HK2: variants seen among roughly 807,000 people sequenced by gnomAD.
The protein encoded by HK2 is hexokinase 2.
In HK2, 42 loss-of-function variants were observed where a neutral mutation model predicts 92.9. That is an observed-to-expected ratio of 0.45 (90% CI 0.35 to 0.58). The LOEUF (loss-of-function observed/expected upper bound fraction) is 0.58. Among genes scored for constraint, HK2 ranks in the 20% least tolerant of loss-of-function variants. The pLI, the probability that HK2 is intolerant of heterozygous loss-of-function variation, is 0.00. For missense variants in HK2, 978 were observed against 1,245.1 expected (o/e 0.79, Z 3.23); for synonymous variants, 422 against 468.0 (o/e 0.90, Z 1.27).
chr2:74,874,070 A>C (rs771850029), intron 6 of HK2, 127 bp downstream of exon 6: 34 of 967,412 alleles, frequency 3.5e-5, no homozygotes, highest in Non-Finnish European at 5.2e-5. Context: ...TGGTCCAGTC[A>C]CTTTGGAGAG....
chr2:74,867,900 T>A, intron 3 of HK2, 116 bp downstream of exon 3: 1 of 1,193,690 alleles, frequency 8.4e-7, no homozygotes. Flanking sequence ...AAGACACTCA[T>A]GGATGCCAGC....
intron 2 of HK2, among the ~76,000 whole-genome samples, chr2:74,858,833 G>A (rs546687635): frequency 1.3e-5 from 2 of 152,310 alleles, no homozygotes; most frequent in East Asian, 1.9e-4. Flanking sequence ...TCCCCATCAC[G>A]GCTTATGGGC....
At chr2:74,869,086 A>G (rs1198310352) in intron 3 of HK2, among the ~76,000 whole-genome samples, 2 of 152,148 alleles carry the variant, frequency 1.3e-5, no homozygotes, top group African/African-American at 4.8e-5. Context: ...CCTACTCTCC[A>G]TGCAATATAT....
chr2:74,872,106 T>C (rs1196985584), intron 3 of HK2, among the ~76,000 whole-genome samples, 194 bp from the exon 4 acceptor site: 1 of 152,244 alleles, frequency 6.6e-6, no homozygotes, highest in African/African-American at 2.4e-5. Context: ...TATTGACTCA[T>C]GTACTCCTTT....
Position 74,834,219 on chromosome 2 carries a change from G to A in HK2, c.-362G>A, listed in dbSNP as rs976603250. 1.6e-5 allele frequency: 6 copies of A among 384,432 alleles called. No homozygotes were observed. Among genetic ancestry groups the A allele is most frequent in the Admixed American group, 3.7e-5 (1 of 27,156 alleles). 23.8% of individuals were successfully genotyped at this position (384,432 alleles called of 1,614,324 possible). On this transcript the variant is annotated 5_prime_UTR_variant, in exon 1 of 18. Transcript: ENST00000290573. This position sits in a 1 kb window ranked among gnomAD's most constrained non-coding sequence, Gnocchi z 4.2. ...AAGAAAATCCGCGGGCCCGAGCCAC[G>A]CGCCTGTGAATCGGAGAGGTCCCAC... is the stretch of plus-strand genomic sequence containing the variant.
intron 1 of HK2, among the ~76,000 whole-genome samples, chr2:74,844,858 C>T (rs1688400968): frequency 6.6e-6 from 1 of 152,350 alleles, no homozygotes; most frequent in South Asian, 2.1e-4. Context: ...GCCAGCTCTT[C>T]CCCTTCACCA....
chr2:74,866,940 G>T (rs1688962823), intron 2 of HK2, among the ~76,000 whole-genome samples: 1 of 152,092 alleles, frequency 6.6e-6, no homozygotes, highest in Non-Finnish European at 1.5e-5. Context: ...AGTAAATTTA[G>T]TACTGCAATT....
At position 74,882,147 on chromosome 2, in the gene HK2, G is replaced by T. The variant is rs550020237; in HGVS notation, c.1747G>T (p.Ala583Ser). 29 of 1,614,166 alleles carry T rather than the reference G, an allele frequency of 1.8e-5. No homozygotes were observed. Among genetic ancestry groups the T allele is most frequent in the African/African-American group, 4.0e-5 (3 of 75,042 alleles). ...ELFDHIVQCI[A>S]DFLEYMGMKG... ...CTTTGACCACATTGTCCAGTGCATCGCGGACTTCCTCGAGTACATGGGCAT... is the reference window on the plus strand; with the variant it reads ...CTTTGACCACATTGTCCAGTGCATCTCGGACTTCCTCGAGTACATGGGCAT... Residue 583 changes from alanine (A) to serine (S), a missense_variant, in exon 12 of 18, where the codon GCG (alanine) becomes TCG (serine). Physicochemically the swap from Ala to Ser is moderately conservative, Grantham distance 99. Coordinates refer to ENST00000290573, the MANE Select transcript of HK2 (RefSeq NM_000189.5).
Position 74,873,280 on chromosome 2 carries a change from T to C in HK2, c.500T>C (p.Phe167Ser), listed in dbSNP as rs1689144947. ...PCHQTKLDES[F>S]LVSWTKGFKS... ...CACTTCTTGGTCCCTTTCCAGAGTT[T>C]CCTGGTCTCATGGACCAAGGGATTC... Residue 167 changes from phenylalanine to serine, a missense_variant, in exon 5 of 18, where the codon TTC (phenylalanine) becomes TCC (serine). This residue lies in a region of HK2 where 189 missense variants were observed against 289.5 expected (regional missense o/e 0.65). Coordinates refer to ENST00000290573, the MANE Select transcript of HK2 (RefSeq NM_000189.5). 2 of 1,612,416 alleles carry C rather than the reference T, an allele frequency of 1.2e-6. No individual in the cohort carries two copies. Among genetic ancestry groups the C allele is most frequent in the South Asian group, 1.1e-5 (1 of 91,050 alleles).
Position 74,878,924 on chromosome 2 carries a change from G to A in HK2, c.1265+3G>A, listed in dbSNP as rs772163993. ...TCCGTCTACAAGAAACACCCCCAGT[G>A]AGTCAGTGTGCAGGGCCTGGAGATG... On this transcript the variant is annotated splice_donor_region_variant and intron_variant, in intron 9 of 17. Transcript: ENST00000290573. 1.2e-5 allele frequency: 18 copies of A among 1,549,692 alleles called. 1 individual carries two copies. The South Asian group carries it at 2.0e-4, about 17-fold the overall frequency.
At chr2:74,875,569 TCCGCCCTCC>T (rs1238309204) in intron 7 of HK2, among the ~76,000 whole-genome samples, 1 of 152,146 alleles carries the variant, frequency 6.6e-6, no homozygotes, top group East Asian at 1.9e-4. Context: ...CCTCAGGCGG[TCCGCCCTCC>T]TCGGCCTCCC....
Position 74,891,056 on chromosome 2 carries a change from G to GA in HK2, c.*116dup. On this transcript the variant is annotated 3_prime_UTR_variant, in exon 18 of 18. Transcript: ENST00000290573. ...CCCTTGGCTTTTGCTTGGCAGAGAGGACCCCACTGGACTGGGTTTTGTCTC... is the reference window on the plus strand; with the variant it reads ...CCCTTGGCTTTTGCTTGGCAGAGAGGAACCCCACTGGACTGGGTTTTGTCTC... The GA allele has an allele frequency of 8.3e-7, 1 of 1,211,290 alleles. No individual in the cohort carries two copies. The highest frequency in any genetic ancestry group is 1.3e-5 in the South Asian group (1 of 77,170). The allele number at this position is 1,211,290 out of a possible 1,614,324, so 75.0% of individuals were successfully genotyped here. A position where few individuals can be genotyped will look rare whatever the true frequency, so the allele number is the denominator to read the frequency against.
chr2:74,846,917 G>A (rs1356699729), intron 1 of HK2, among the ~76,000 whole-genome samples: 2 of 152,194 alleles, frequency 1.3e-5, no homozygotes, highest in African/African-American at 2.4e-5. Flanking sequence ...TGTCAAAGGG[G>A]CCAAATAGGA....
At position 74,854,327 on chromosome 2, in the gene HK2, A is replaced by G; in HGVS notation, c.98A>G (p.Asp33Gly). The G allele has an allele frequency of 1.2e-6, 2 of 1,613,218 alleles. No individual in the cohort carries two copies. The highest frequency in any genetic ancestry group is 1.7e-6 in the Non-Finnish European group (2 of 1,179,986). ...DQYLYHMRLSDETLLEISKRF... is the reference protein window; with the variant it reads ...DQYLYHMRLSGETLLEISKRF... ...TATCTCTACCACATGCGCCTCTCTG[A>G]TGAGACCCTCTTGGAGATCTCTAAG... The change falls in exon 2 of 18, where the codon GAT (aspartate) becomes GGT (glycine). Residue 33 changes from aspartate to glycine, a missense_variant. Asp to Gly is a moderately conservative substitution (Grantham distance 94). Around this residue, in one of 3 missense-constraint regions of HK2, gnomAD observed 189 missense variants for 289.5 expected, o/e 0.65. Coordinates refer to ENST00000290573, the MANE Select transcript of HK2 (RefSeq NM_000189.5).
In HK2 at chr2:74,893,107, G is replaced by A. The variant is rs1464515085; in HGVS notation, c.*2166G>A. On this transcript the variant is annotated 3_prime_UTR_variant, in exon 18 of 18. Coordinates refer to ENST00000290573, the MANE Select transcript of HK2 (RefSeq NM_000189.5). ...AGATGTGTTGTTGGTTTCCAAAAAG[G>A]AACACTGGAAAATAAATTTTGAATG... 2 of 150,932 alleles carry A rather than the reference G, an allele frequency of 1.3e-5. No homozygotes were observed. Among genetic ancestry groups the A allele is most frequent in the Non-Finnish European group, 1.5e-5 (1 of 67,898 alleles). The allele number at this position is 150,932 out of a possible 1,614,324, so 9.3% of individuals were successfully genotyped here. A position where few individuals can be genotyped will look rare whatever the true frequency, so the allele number is the denominator to read the frequency against.
rs1269295787 is a variant in HK2 at position 74,878,750 on chromosome 2, A to G, written c.1094A>G (p.Gln365Arg). The change falls in exon 9 of 18, where the codon CAG becomes CGG. Residue 365 changes from glutamine (Q) to arginine (R), a missense_variant. By Grantham distance (43) the Gln-to-Arg change is conservative. This residue lies in a region of HK2 where 742 missense variants were observed against 922.5 expected (regional missense o/e 0.80). Coordinates refer to ENST00000290573, the MANE Select transcript of HK2 (RefSeq NM_000189.5). ...ATGCGGTTGGGCCTGGACCCGACTC[A>G]GGAGGACTGCGTGGCCACTCACCGG... Reference protein sequence around the residue: ...VLMRLGLDPTQEDCVATHRIC... With the variant: ...VLMRLGLDPTREDCVATHRIC... 1.1e-5 allele frequency: 18 copies of G among 1,600,826 alleles called. No individual in the cohort carries two copies. The highest frequency in any genetic ancestry group is 1.5e-5 in the Non-Finnish European group (18 of 1,173,780).
chr2:74,837,630 T>C (rs1688197918), intron 1 of HK2, among the ~76,000 whole-genome samples: 1 of 151,272 alleles, frequency 6.6e-6, no homozygotes, highest in Non-Finnish European at 1.5e-5. Flanking sequence ...ATCCTTTCAT[T>C]CCTCTGTCCT....
At chr2:74,889,174 G>T in intron 16 of HK2, 71 bp from the exon 17 acceptor site, 1 of 1,282,062 alleles carries the variant, frequency 7.8e-7, no homozygotes, top group Non-Finnish European at 1.1e-6. Flanking sequence ...TAAGGACTCA[G>T]GCCCTGGTGT....
chr2:74,847,860 T>C (rs1401926855), intron 1 of HK2, among the ~76,000 whole-genome samples: 2 of 152,198 alleles, frequency 1.3e-5, no homozygotes, highest in African/African-American at 4.8e-5. Context: ...CACTAACCCT[T>C]ACTGGGGACT....
Sources: gnomAD v4.1 joint callset for allele counts (sites outside exome capture counted in the v4.1 genomes callset) on GRCh38, gnomAD v4.1.1 for gene constraint, gnomAD v4.1.1 regional missense constraint, Gnocchi (gnomAD v3.1) non-coding constraint, MANE v1.5 for transcripts, NCBI Gene and HGNC (gene_info 2026-07-23, HGNC 2026-07-21) for gene names.